RBFOX1: variants seen among roughly 807,000 people sequenced by gnomAD.
RBFOX1 encodes RNA binding protein fox-1 homolog 1.
RBFOX1 carries 8 observed loss-of-function variants against 57.7 expected under a neutral mutation model. That is an observed-to-expected ratio of 0.14 (90% CI 0.08 to 0.25). The LOEUF (loss-of-function observed/expected upper bound fraction) is 0.25. RBFOX1 is among the 10% of genes least tolerant of loss of function. The probability of loss-of-function intolerance (pLI) is 1.00; values close to 1 mark genes in which losing one functional copy is unlikely to be tolerated. For missense variants in RBFOX1, 611 were observed against 548.5 expected, an observed-to-expected ratio of 1.11 and a Z score of -1.14; for synonymous variants, 326 against 222.4, an observed-to-expected ratio of 1.47 and a Z score of -4.15.
intron 1 of RBFOX1, among the ~76,000 whole-genome samples, chr16:6,144,898 C>G (rs560813362): frequency 1.4e-4 from 22 of 152,196 alleles, no homozygotes; most frequent in Non-Finnish European, 2.4e-4. Context: ...CACCTGTGGT[C>G]TGTTGTACCT....
At chr16:5,560,571 C>G (rs1567231495) in intron 2 of RBFOX1, among the ~76,000 whole-genome samples, 1 of 152,226 alleles carries the variant, frequency 6.6e-6, no homozygotes, top group Non-Finnish European at 1.5e-5. Flanking sequence ...CATCACTGTA[C>G]AAGGTCAAAT....
chr16:6,940,465 G>A (rs1294119703), intron 3 of RBFOX1, among the ~76,000 whole-genome samples: 5 of 152,202 alleles, frequency 3.3e-5, no homozygotes, highest in Non-Finnish European at 7.3e-5. Context: ...ACGAGTGAGT[G>A]ATGACAATGA....
intron 3 of RBFOX1, among the ~76,000 whole-genome samples, chr16:7,036,694 A>G (rs889166243): frequency 2.7e-5 from 4 of 150,488 alleles, no homozygotes; most frequent in African/African-American, 7.3e-5. Context: ...CTCCGTCTCA[A>G]AAACAAACAA....
At chr16:6,037,002 G>GA (rs1420304723) in intron 1 of RBFOX1, among the ~76,000 whole-genome samples, 1 of 152,150 alleles carries the variant, frequency 6.6e-6, no homozygotes, top group African/African-American at 2.4e-5. Context: ...GTGTGTGTTG[G>GA]AGGTGGGGGG....
chr16:7,300,393 A>G (rs1446454432), intron 4 of RBFOX1, among the ~76,000 whole-genome samples: 2 of 152,210 alleles, frequency 1.3e-5, no homozygotes, highest in African/African-American at 4.8e-5. Context: ...ACAGATAAAT[A>G]ATAAAGTTTT....
intron 3 of RBFOX1, among the ~76,000 whole-genome samples, chr16:6,949,853 A>G (rs185936585): frequency 7.0e-4 from 106 of 151,964 alleles, no homozygotes; most frequent in African/African-American, 2.4e-3. Flanking sequence ...ACAGAATGCA[A>G]TTCCAAGCCC....
At chr16:5,411,816 G>C (rs1373258146) in intron 1 of RBFOX1, among the ~76,000 whole-genome samples, 1 of 152,028 alleles carries the variant, frequency 6.6e-6, no homozygotes, top group African/African-American at 2.4e-5. Context: ...CTGGGAAGTG[G>C]AGGCTGCAAT....
At chr16:6,994,605 G>A (rs1189765213) in intron 3 of RBFOX1, among the ~76,000 whole-genome samples, 2 of 152,160 alleles carry the variant, frequency 1.3e-5, no homozygotes, top group African/African-American at 4.8e-5. Flanking sequence ...ATGATGCTGT[G>A]TATCTGCTAG....
intron 1 of RBFOX1, among the ~76,000 whole-genome samples, chr16:6,307,253 G>C (rs2079622040): frequency 2.0e-5 from 3 of 152,040 alleles, no homozygotes; most frequent in Admixed American, 2.0e-4. Flanking sequence ...CTTGGTGTTG[G>C]ATAGTAATCA....
chr16:5,381,257 C>T (rs772569375), intron 1 of RBFOX1, among the ~76,000 whole-genome samples: 3 of 152,236 alleles, frequency 2.0e-5, no homozygotes, highest in Non-Finnish European at 4.4e-5. Context: ...GTCATCATCA[C>T]ATCCATGCAT....
chr16:7,338,883 C>T (rs570920088), intron 4 of RBFOX1, among the ~76,000 whole-genome samples: 2 of 152,218 alleles, frequency 1.3e-5, no homozygotes, highest in African/African-American at 2.4e-5. Flanking sequence ...TGCTGCCCTG[C>T]GATTTTATCT....
intron 3 of RBFOX1, among the ~76,000 whole-genome samples, chr16:5,709,475 C>G (rs1247684118): frequency 1.3e-5 from 2 of 151,890 alleles, no homozygotes; most frequent in Non-Finnish European, 2.9e-5. Context: ...TTTCCTTTCT[C>G]CTCCCAAAGT....
chr16:6,810,602 T>A (rs914771763), intron 3 of RBFOX1, among the ~76,000 whole-genome samples: 5 of 152,078 alleles, frequency 3.3e-5, no homozygotes, highest in African/African-American at 1.2e-4. Context: ...TAAAGAGCTA[T>A]AAAGAACTTC....
chr16:7,038,879 A>C (rs975734580), intron 3 of RBFOX1, among the ~76,000 whole-genome samples: 2 of 152,228 alleles, frequency 1.3e-5, no homozygotes, highest in Non-Finnish European at 2.9e-5. Context: ...AAAACACCTC[A>C]TTAAAACGTG....
At position 7,112,710 on chromosome 16, in the gene RBFOX1, G is replaced by A. The variant is rs555332338; in HGVS notation, c.27+60612G>A. Among the ~76,000 whole-genome samples the A allele has an allele frequency of 2.5e-3, 372 of 149,276 alleles. 2 individuals carry two copies. Among genetic ancestry groups the A allele is most frequent in the African/African-American group, 8.5e-3 (339 of 40,030 alleles). On this transcript the variant is annotated intron_variant, in intron 4 of 15. Transcript: ENST00000550418. ...GGTGTGTCTCTCTGTCTGTCTGTCC[G>A]CAAATGGGTCAAAGTGAAAAGCTCT...
rs139338774 is a variant in RBFOX1 at position 7,370,997 on chromosome 16, C to T, written c.28-147150C>T. 3.0e-3 allele frequency among the ~76,000 whole-genome samples: 460 copies of T among 152,282 alleles called. 3 individuals are homozygous for T. The Middle Eastern group carries it at 0.034, about 11-fold the overall frequency. On this transcript the variant is annotated intron_variant, in intron 4 of 15. Transcript: ENST00000550418. ...TCAGGAAATTGTAGCATCAGCAGGA[C>T]AGGTATTTTATTGGGATGGATGTGT...
Position 6,619,211 on chromosome 16 carries a change from C to G in RBFOX1, c.-63-35392C>G, listed in dbSNP as rs117946381. ...TCTGATGTCTCATGCCTCTGTCCCC[C>G]CCTTAAACAGTGAGGCAGCTGGGCT... is the stretch of plus-strand genomic sequence containing the variant. On this transcript the variant is annotated intron_variant, in intron 2 of 15. Transcript: ENST00000550418. Among the ~76,000 whole-genome samples, 902 of 152,212 alleles carry G rather than the reference C, an allele frequency of 5.9e-3. 9 individuals are homozygous for G. Among genetic ancestry groups the G allele is most frequent in the Non-Finnish European group, 8.5e-3 (575 of 68,006 alleles).
At chr16:6,807,014 A>T (rs1234574691) in intron 3 of RBFOX1, among the ~76,000 whole-genome samples, 1 of 151,270 alleles carries the variant, frequency 6.6e-6, no homozygotes, top group Non-Finnish European at 1.5e-5. Flanking sequence ...TTGTATTTTT[A>T]GCAGAGATGG....
intron 3 of RBFOX1, among the ~76,000 whole-genome samples, chr16:6,914,636 G>A (rs563738977): frequency 3.3e-5 from 5 of 152,156 alleles, no homozygotes. Context: ...CACTTTGGGA[G>A]GCTGAGGCAG....
Sources: gnomAD v4.1 joint callset for allele counts (sites outside exome capture counted in the v4.1 genomes callset) on GRCh38, gnomAD v4.1.1 for gene constraint, MANE v1.5 for transcripts, NCBI Gene and HGNC (gene_info 2026-07-23, HGNC 2026-07-21) for gene names.